The following ABI1 variants were observed in gnomAD, a reference collection of about 807,000 sequenced individuals.
The protein encoded by ABI1 is Abelson interactor 1.
Under a neutral mutation model 54.6 loss-of-function variants are expected in ABI1, and 14 were observed. That is an observed-to-expected ratio of 0.26 (90% CI 0.17 to 0.40). The LOEUF (loss-of-function observed/expected upper bound fraction) is 0.40. ABI1 is among the 10% of genes least tolerant of loss of function. The pLI, the probability that ABI1 is intolerant of heterozygous loss-of-function variation, is 1.00. For synonymous variants in ABI1, 194 were observed against 209.3 expected (o/e 0.93, Z 0.63); for missense variants, 443 against 598.3 (o/e 0.74, Z 2.71).
chr10:26,766,645 C>T (rs1277393781), intron 6 of ABI1, among the ~76,000 whole-genome samples: 1 of 152,200 alleles, frequency 6.6e-6, no homozygotes, highest in Admixed American at 6.5e-5. Flanking sequence ...CTTTGTGCTA[C>T]CACTGCATCA....
At chr10:26,780,978 G>C (rs1010690820) in intron 2 of ABI1, among the ~76,000 whole-genome samples, 1 of 152,196 alleles carries the variant, frequency 6.6e-6, no homozygotes, top group African/African-American at 2.4e-5. Context: ...TTACAGGCCT[G>C]AACTGTGAGG....
chr10:26,834,154 C>T (rs529475362), intron 1 of ABI1, among the ~76,000 whole-genome samples: 6 of 152,124 alleles, frequency 3.9e-5, no homozygotes, highest in East Asian at 3.9e-4. Context: ...CGCTTGAACC[C>T]GGAAGGTGGA....
intron 8 of ABI1, among the ~76,000 whole-genome samples, chr10:26,757,748 A>G (rs1478989799): frequency 1.3e-5 from 2 of 152,148 alleles, no homozygotes; most frequent in Non-Finnish European, 1.5e-5. Context: ...TTTTTGCTAT[A>G]ACATAATTTA....
intron 6 of ABI1, 134 bp downstream of exon 6, chr10:26,768,718 T>C: frequency 1.4e-6 from 1 of 715,416 alleles, no homozygotes; most frequent in East Asian, 2.7e-5. Context: ...TATATAATAT[T>C]ATTCCCCCAA....
At chr10:26,796,832 T>TA (rs890707397) in intron 2 of ABI1, among the ~76,000 whole-genome samples, 6 of 152,134 alleles carry the variant, frequency 3.9e-5, no homozygotes, top group African/African-American at 1.4e-4. Flanking sequence ...AGGCGAATGG[T>TA]TTTGGGATTA....
At chr10:26,807,456 T>C (rs1005612348) in intron 2 of ABI1, among the ~76,000 whole-genome samples, 3 of 152,068 alleles carry the variant, frequency 2.0e-5, no homozygotes, top group African/African-American at 7.2e-5. Context: ...CATTCCAGCT[T>C]GGGCGACAAG....
At chr10:26,829,018 A>T (rs187289669) in intron 1 of ABI1, among the ~76,000 whole-genome samples, 1 of 151,940 alleles carries the variant, frequency 6.6e-6, no homozygotes, top group Non-Finnish European at 1.5e-5. Flanking sequence ...CGAGCTCAGG[A>T]GATCGAGACC....
In ABI1 at chr10:26,853,300, CTTTT is replaced by C. The variant is rs74928196; in HGVS notation, c.117+7443_117+7446del. Among the ~76,000 whole-genome samples the C allele has an allele frequency of 8.1e-3, 1,128 of 138,718 alleles. 19 individuals carry two copies. Among genetic ancestry groups the C allele is most frequent in the East Asian group, 0.033 (161 of 4,872 alleles). 91.0% of individuals were successfully genotyped at this position (138,718 alleles called of 152,430 possible). ...TATTGTCTTATTTCTCAACAATGCC[CTTTT>C]TTTTTTTTAAAAAAAATCCCTTTTT... On this transcript the variant is annotated intron_variant, in intron 1 of 10. Coordinates refer to ENST00000376140, the MANE Select transcript of ABI1 (RefSeq NM_001012750.3).
chr10:26,760,159 A>T (rs559915170), intron 7 of ABI1, among the ~76,000 whole-genome samples: 50 of 152,218 alleles, frequency 3.3e-4, no homozygotes, highest in African/African-American at 1.2e-3. Flanking sequence ...TTAATACTTA[A>T]CATTGTATTA....
At position 26,830,637 on chromosome 10, in the gene ABI1, A is replaced by AC. The variant is rs961708290; in HGVS notation, c.118-7333_118-7332insG. ...CCCTGTCTCCTTTAAAAAAAAAAAA[A>AC]AAAACAAAACTACCAAACTATTTTA... On this transcript the variant is annotated intron_variant, in intron 1 of 10. Coordinates refer to ENST00000376140, the MANE Select transcript of ABI1 (RefSeq NM_001012750.3). 9.9e-5 allele frequency among the ~76,000 whole-genome samples: 15 copies of AC among 151,818 alleles called. No homozygotes were observed. The East Asian group carries it at 1.9e-3, about 20-fold the overall frequency.
intron 2 of ABI1, among the ~76,000 whole-genome samples, chr10:26,784,406 C>A (rs902443637): frequency 6.6e-6 from 1 of 152,150 alleles, no homozygotes; most frequent in African/African-American, 2.4e-5. Context: ...GCCTTCAGGC[C>A]ATCTCTCCAC....
chr10:26,828,088 A>G (rs1280398970), intron 1 of ABI1, among the ~76,000 whole-genome samples: 3 of 152,178 alleles, frequency 2.0e-5, no homozygotes, highest in South Asian at 2.1e-4. Flanking sequence ...GAAACACGCA[A>G]TTCTTTCACT....
intron 1 of ABI1, among the ~76,000 whole-genome samples, chr10:26,846,274 A>C (rs1392252393): frequency 6.6e-6 from 1 of 152,024 alleles, no homozygotes; most frequent in Non-Finnish European, 1.5e-5. Flanking sequence ...CTCCACTCTA[A>C]ACAAGAGTAA....
rs1440116860 is a variant in ABI1, at chr10:26,746,602, G to A, written c.*1968C>T. ...TTAAAAGATATCAAACTTATTGATGGGCAATTTATTTTTTTTTATTGCAAA... is the reference window on the plus strand; with the variant it reads ...TTAAAAGATATCAAACTTATTGATGAGCAATTTATTTTTTTTTATTGCAAA... On this transcript the variant is annotated 3_prime_UTR_variant, in exon 11 of 11. Coordinates refer to ENST00000376140, the MANE Select transcript of ABI1 (RefSeq NM_001012750.3). 2 of 1,005,656 alleles carry A rather than the reference G, an allele frequency of 2.0e-6. No individual in the cohort carries two copies. The highest frequency in any genetic ancestry group is 3.0e-6 in the Non-Finnish European group (2 of 673,994). The allele number at this position is 1,005,656 out of a possible 1,614,324, so 62.3% of individuals were successfully genotyped here.
chr10:26,746,745 A>C lies in ABI1; in HGVS notation c.*1825T>G. The C allele has an allele frequency of 2.2e-6, 1 of 461,804 alleles. No homozygotes were observed. Among genetic ancestry groups the C allele is most frequent in the South Asian group, 2.1e-5 (1 of 46,628 alleles). 28.6% of individuals were successfully genotyped at this position (461,804 alleles called of 1,614,324 possible). On this transcript the variant is annotated 3_prime_UTR_variant, in exon 11 of 11. Coordinates refer to ENST00000376140, the MANE Select transcript of ABI1 (RefSeq NM_001012750.3). Reference sequence around the variant, plus strand: ...TATATGTGGTATTGTTTACACTGTTAATATCCACATGTAAGGCCATTACAC... The same window carrying C: ...TATATGTGGTATTGTTTACACTGTTCATATCCACATGTAAGGCCATTACAC...
chr10:26,837,638 G>A (rs572248003), intron 1 of ABI1, among the ~76,000 whole-genome samples: 1 of 152,068 alleles, frequency 6.6e-6, no homozygotes, highest in African/African-American at 2.4e-5. Context: ...TTGAAACAGA[G>A]TCTCACTCTG....
At chr10:26,761,659 T>TATATATAC (rs1839224818) in intron 7 of ABI1, among the ~76,000 whole-genome samples, 3 of 88,154 alleles carry the variant, frequency 3.4e-5, no homozygotes, top group African/African-American at 1.0e-4. Context: ...TATATATATA[T>TATATATAC]ATACACACAC....
chr10:26,798,425 T>TA (rs1344056459), intron 2 of ABI1, among the ~76,000 whole-genome samples: 1 of 151,910 alleles, frequency 6.6e-6, no homozygotes, highest in South Asian at 2.1e-4. Context: ...ATTGGTGACT[T>TA]AAAGATGGAT....
chr10:26,759,115 T>G lies in ABI1; in HGVS notation c.944A>C (p.Gln315Pro). 6.2e-7 allele frequency: 1 copy of G among 1,614,092 alleles called. No homozygotes were observed. Among genetic ancestry groups the G allele is most frequent in the East Asian group, 2.2e-5 (1 of 44,872 alleles). Residue 315 changes from glutamine (Q) to proline (P), a missense_variant, in exon 8 of 11, where the codon CAA (glutamine) becomes CCA (proline). Physicochemically the swap from Gln to Pro is moderately conservative, Grantham distance 76. Transcript: ENST00000376140. ...GYRRTPSVTA[Q>P]FSAQPHVNGG... ...ATTAACATGAGGCTGAGCAGAAAAT[T>G]GAGCAGTCACAGAGGGAGTTCGTCT...
Sources: gnomAD v4.1 joint callset for allele counts (sites outside exome capture counted in the v4.1 genomes callset) on GRCh38, gnomAD v4.1.1 for gene constraint, MANE v1.5 for transcripts, NCBI Gene and HGNC (gene_info 2026-07-23, HGNC 2026-07-21) for gene names.